The following ZPLD1 variants were observed in gnomAD, a reference collection of about 807,000 sequenced individuals.
The protein encoded by ZPLD1 is zona pellucida-like domain-containing protein 1.
A neutral mutation model predicts 47.2 loss-of-function variants in ZPLD1; 34 were observed. The ratio of observed to expected loss-of-function variants is 0.72; its 90% CI spans 0.55 to 0.96. ZPLD1 has a LOEUF of 0.96. ZPLD1 is among the 40% of genes least tolerant of loss of function. ZPLD1 has a pLI of 0.00. For missense variants in ZPLD1, 512 were observed against 505.8 expected, an observed-to-expected ratio of 1.01 and a Z score of -0.12; for synonymous variants, 176 against 186.2, an observed-to-expected ratio of 0.95 and a Z score of 0.45.
At chr3:102,455,445 C>T (rs369997904) in intron 4 of ZPLD1, among the ~76,000 whole-genome samples, 1 of 152,108 alleles carries the variant, frequency 6.6e-6, no homozygotes, top group South Asian at 2.1e-4. Context: ...CCCCCAAAAC[C>T]CATCTATAAG....
chr3:102,441,770 C>A (rs1202900854), intron 3 of ZPLD1, among the ~76,000 whole-genome samples: 3 of 152,122 alleles, frequency 2.0e-5, no homozygotes, highest in Non-Finnish European at 4.4e-5. Flanking sequence ...TAGACAATAA[C>A]TAGTCCTCAA....
At chr3:102,441,886 A>T (rs2107323733) in intron 3 of ZPLD1, among the ~76,000 whole-genome samples, 1 of 152,284 alleles carries the variant, frequency 6.6e-6, no homozygotes, top group African/African-American at 2.4e-5. Flanking sequence ...CAGAGGAAAA[A>T]GTAACTTCTC....
At chr3:102,399,265 C>T (rs1348628893) in intron 7 of ZPLD1, among the ~76,000 whole-genome samples, 1 of 152,058 alleles carries the variant, frequency 6.6e-6, no homozygotes, top group Non-Finnish European at 1.5e-5. Flanking sequence ...TGTGCTGGCT[C>T]CATTATTTTT....
intron 7 of ZPLD1, among the ~76,000 whole-genome samples, chr3:102,407,227 A>G (rs1489089898): frequency 2.0e-5 from 3 of 150,994 alleles, no homozygotes; most frequent in African/African-American, 7.3e-5. Context: ...AAATTGCTGA[A>G]AAGTCTTCAT....
intron 8 of ZPLD1, among the ~76,000 whole-genome samples, chr3:102,428,731 TTA>T (rs1394091487): frequency 2.0e-5 from 3 of 150,718 alleles, no homozygotes; most frequent in African/African-American, 7.3e-5. Flanking sequence ...TATATATATG[TTA>T]TATATATGTG....
chr3:102,439,694 TC>T (rs1451404643), intron 3 of ZPLD1, among the ~76,000 whole-genome samples: 2 of 152,178 alleles, frequency 1.3e-5, no homozygotes, highest in Non-Finnish European at 2.9e-5. Flanking sequence ...TTGATCTTTG[TC>T]CTTACCACTC....
At chr3:102,390,843 A>G (rs1386085841) in intron 6 of ZPLD1, among the ~76,000 whole-genome samples, 3 of 152,160 alleles carry the variant, frequency 2.0e-5, no homozygotes, top group African/African-American at 7.2e-5. Flanking sequence ...AATGTTGCAA[A>G]CTGAAACAAT....
At chr3:102,441,261 G>C (rs936504994) in intron 3 of ZPLD1, among the ~76,000 whole-genome samples, 1 of 152,142 alleles carries the variant, frequency 6.6e-6, no homozygotes, top group Non-Finnish European at 1.5e-5. Context: ...GGAAAACGAA[G>C]TATTTATCAT....
chr3:102,421,524 T>C (rs1706879814), intron 8 of ZPLD1, among the ~76,000 whole-genome samples: 1 of 151,922 alleles, frequency 6.6e-6, no homozygotes, highest in African/African-American at 2.4e-5. Flanking sequence ...GTATTTGAAT[T>C]CTGGCAGAGA....
At chr3:102,388,856 T>G (rs889300689) in intron 6 of ZPLD1, among the ~76,000 whole-genome samples, 1 of 152,194 alleles carries the variant, frequency 6.6e-6, no homozygotes, top group Non-Finnish European at 1.5e-5. Context: ...TTCTGATTTT[T>G]TTGTCCAAGT....
At chr3:102,435,248 G>T (rs185786537) in intron 1 of ZPLD1, 94 bp downstream of exon 1, 2 of 1,370,914 alleles carry the variant, frequency 1.5e-6, no homozygotes, top group Non-Finnish European at 2.1e-6. Flanking sequence ...AATGTCGTAA[G>T]CCCTGCCAAG....
intron 8 of ZPLD1, among the ~76,000 whole-genome samples, chr3:102,425,988 A>G (rs1706941226): frequency 6.6e-6 from 1 of 151,834 alleles, no homozygotes; most frequent in Admixed American, 6.6e-5. Context: ...GAGTTATTCA[A>G]GATACCACAG....
intron 7 of ZPLD1, among the ~76,000 whole-genome samples, chr3:102,409,225 AG>A (rs1706724374): frequency 6.6e-6 from 1 of 151,788 alleles, no homozygotes; most frequent in Non-Finnish European, 1.5e-5. Flanking sequence ...AGAGAAAAAT[AG>A]GGGTCAGATT....
chr3:102,456,543 TTATATCTA>T lies in ZPLD1; in HGVS notation c.509+171_509+178del, dbSNP rs1490037517. Among the ~76,000 whole-genome samples, 901 of 125,402 alleles carry T rather than the reference TTATATCTA, an allele frequency of 7.2e-3. 8 individuals are homozygous for T. The highest frequency in any genetic ancestry group is 0.025 in the African/African-American group (852 of 33,638). The allele number at this position is 125,402 out of a possible 152,430, so 82.3% of individuals were successfully genotyped here. A position where few individuals can be genotyped will look rare whatever the true frequency, so the allele number is the denominator to read the frequency against. On this transcript the variant is annotated intron_variant, in intron 5 of 11. Coordinates refer to ENST00000466937, the MANE Select transcript of ZPLD1 (RefSeq NM_001329788.2). Reference sequence around the variant, plus strand: ...ATATTTACCTCTATCTGTTTATCTATTATATCTATCTATCTATCTATCTATCTATCTAT... The same window carrying T: ...ATATTTACCTCTATCTGTTTATCTATTCTATCTATCTATCTATCTATCTAT...
At chr3:102,447,441 A>G (rs1707274834) in intron 3 of ZPLD1, among the ~76,000 whole-genome samples, 1 of 152,164 alleles carries the variant, frequency 6.6e-6, no homozygotes, top group Admixed American at 6.5e-5. Flanking sequence ...TTTCAGATCA[A>G]TGATGAAGAA....
intron 7 of ZPLD1, among the ~76,000 whole-genome samples, chr3:102,406,084 T>C (rs1216584540): frequency 6.6e-6 from 1 of 152,010 alleles, no homozygotes; most frequent in Non-Finnish European, 1.5e-5. Flanking sequence ...AATATATTGC[T>C]TTTATAATTA....
chr3:102,435,791 C>T (rs892870319), intron 1 of ZPLD1, among the ~76,000 whole-genome samples: 11 of 151,954 alleles, frequency 7.2e-5, no homozygotes, highest in South Asian at 2.1e-4. Flanking sequence ...TACAGGCTCC[C>T]GCCACCACGC....
At chr3:102,477,419 C>T in intron 11 of ZPLD1, 24 bp from the exon 12 acceptor site, 6 of 1,600,860 alleles carry the variant, frequency 3.7e-6, no homozygotes, top group East Asian at 2.2e-5. Context: ...GCCTTTACAA[C>T]CGGGTGTGTT....
intron 8 of ZPLD1, among the ~76,000 whole-genome samples, chr3:102,464,598 A>G (rs1707564518): frequency 1.3e-5 from 2 of 152,212 alleles, no homozygotes; most frequent in Admixed American, 1.3e-4. Context: ...GTTACTATTT[A>G]TCTGCAACTA....
Sources: allele counts gnomAD v4.1 joint callset (sites outside exome capture counted in the v4.1 genomes callset), GRCh38; gene constraint gnomAD v4.1.1; transcripts MANE v1.5; gene names NCBI Gene and HGNC (gene_info 2026-07-23, HGNC 2026-07-21).